ATXN1: variants seen among roughly 807,000 people sequenced by gnomAD.
The protein encoded by ATXN1 is ataxin 1.
In ATXN1, 8 loss-of-function variants were observed where a neutral mutation model predicts 56.4. The observed-to-expected ratio is 0.14, with a 90% CI of 0.08 to 0.26. ATXN1 has a LOEUF of 0.26. Ranked by LOEUF, ATXN1 falls within the 10% of genes least tolerant of loss-of-function variation. The pLI, the probability that ATXN1 is intolerant of heterozygous loss-of-function variation, is 1.00. For synonymous variants in ATXN1, 514 were observed against 494.6 expected (o/e 1.04, Z -0.52); for missense variants, 987 against 1,106.5 (o/e 0.89, Z 1.53).
intron 6 of ATXN1, among the ~76,000 whole-genome samples, chr6:16,355,236 C>T (rs778841994): frequency 3.3e-5 from 5 of 152,176 alleles, no homozygotes; most frequent in Admixed American, 6.5e-5. Flanking sequence ...CCACAGATGC[C>T]GCTGTACTTT....
chr6:16,366,412 T>C (rs1277735020), intron 6 of ATXN1, among the ~76,000 whole-genome samples: 1 of 152,142 alleles, frequency 6.6e-6, no homozygotes, highest in Non-Finnish European at 1.5e-5. Context: ...GAATTTAGAA[T>C]ATAACAAAAG....
rs551743470 is a variant in ATXN1 at position 16,443,989 on chromosome 6, G to A, written c.-161+41983C>T. Among the ~76,000 whole-genome samples, 19 of 151,992 alleles carry A rather than the reference G, an allele frequency of 1.3e-4. 1 individual carries two copies. The South Asian group carries it at 3.1e-3, about 25-fold the overall frequency. Reference sequence around the variant, plus strand: ...AGATTAGCCAGGCGTGGTGGCGGGCGCCTGTAGTCCCAGCTACTCGGGAGG... The same window carrying A: ...AGATTAGCCAGGCGTGGTGGCGGGCACCTGTAGTCCCAGCTACTCGGGAGG... On this transcript the variant is annotated intron_variant, in intron 6 of 7. Coordinates refer to ENST00000436367, the MANE Select transcript of ATXN1 (RefSeq NM_001128164.2).
At chr6:16,541,607 G>A (rs931212896) in intron 4 of ATXN1, among the ~76,000 whole-genome samples, 7 of 152,146 alleles carry the variant, frequency 4.6e-5, no homozygotes, top group African/African-American at 1.4e-4. Context: ...TCTTCCAGGC[G>A]GCAGACTTCA....
chr6:16,416,336 A>G (rs780306874), intron 6 of ATXN1, among the ~76,000 whole-genome samples: 8 of 152,254 alleles, frequency 5.3e-5, no homozygotes, highest in Admixed American at 3.9e-4. Context: ...AATCTAAATT[A>G]GAGAGATTTT....
chr6:16,529,466 T>A lies in ATXN1; in HGVS notation c.-360-6778A>T, dbSNP rs570521267. Among the ~76,000 whole-genome samples the A allele has an allele frequency of 2.0e-5, 3 of 152,216 alleles. No homozygotes were observed. In the South Asian group the frequency reaches 6.2e-4, roughly 32 times the overall value. On this transcript the variant is annotated intron_variant, in intron 4 of 7. Transcript: ENST00000436367. The stretch of plus-strand genomic sequence containing the variant: ...ACAGCATAGAGACAGTCTTAAATGA[T>A]CTCCATCAGCATTTTACTTTAGTTA...
chr6:16,731,713 T>C (rs939991211), intron 2 of ATXN1, among the ~76,000 whole-genome samples: 1 of 151,966 alleles, frequency 6.6e-6, no homozygotes, highest in South Asian at 2.1e-4. Context: ...AGTACATTTG[T>C]CATTTAATTT....
At chr6:16,730,383 C>T (rs6915772) in intron 2 of ATXN1, among the ~76,000 whole-genome samples, 15,053 of 151,208 alleles carry the variant, frequency 0.1, 953 homozygotes, top group East Asian at 0.19. Flanking sequence ...TGCTTGATTA[C>T]AATTTAAATT....
chr6:16,495,170 T>C (rs1231790562), intron 5 of ATXN1, among the ~76,000 whole-genome samples: 3 of 152,230 alleles, frequency 2.0e-5, no homozygotes, highest in African/African-American at 7.2e-5. Context: ...TGCAGTCCAG[T>C]CCTCTGACTT....
intron 5 of ATXN1, among the ~76,000 whole-genome samples, chr6:16,514,585 A>G (rs758640020): frequency 2.0e-4 from 30 of 151,940 alleles, no homozygotes; most frequent in South Asian, 1.0e-3. Context: ...TTGATCCTAA[A>G]CCTTGGGGAG....
intron 6 of ATXN1, among the ~76,000 whole-genome samples, chr6:16,375,804 C>T (rs1309936468): frequency 1.3e-5 from 2 of 152,194 alleles, no homozygotes; most frequent in African/African-American, 4.8e-5. Flanking sequence ...GGAAAATATA[C>T]TCCATTGTGA....
At chr6:16,545,705 A>G (rs971773278) in intron 4 of ATXN1, among the ~76,000 whole-genome samples, 1 of 152,224 alleles carries the variant, frequency 6.6e-6, no homozygotes, top group Non-Finnish European at 1.5e-5. Flanking sequence ...AGTTTGCGCT[A>G]TAGGAGAAGA....
intron 5 of ATXN1, among the ~76,000 whole-genome samples, chr6:16,514,232 G>C (rs1004152660): frequency 1.8e-4 from 27 of 152,050 alleles, no homozygotes. Context: ...ACTCCCTCTT[G>C]TTGGATCACA....
At chr6:16,606,226 A>G (rs1414530075) in intron 3 of ATXN1, among the ~76,000 whole-genome samples, 1 of 152,234 alleles carries the variant, frequency 6.6e-6, no homozygotes. Flanking sequence ...TAGAACACCT[A>G]GCACAGGACA....
rs1328125122 is a variant in ATXN1, at chr6:16,305,562, A to C, written c.*767T>G. The C allele has an allele frequency of 1.3e-5, 2 of 152,078 alleles. No individual in the cohort carries two copies. The highest frequency in any genetic ancestry group is 4.8e-5 in the African/African-American group (2 of 41,270). The allele number at this position is 152,078 out of a possible 1,614,324, so 9.4% of individuals were successfully genotyped here. On this transcript the variant is annotated 3_prime_UTR_variant, in exon 8 of 8. Coordinates refer to ENST00000436367, the MANE Select transcript of ATXN1 (RefSeq NM_001128164.2). ...CAGCAGGGGCTTCCCTGTCCACCACAACACCCTGGTGACATCGCTGCACTA... is the reference window on the plus strand; with the variant it reads ...CAGCAGGGGCTTCCCTGTCCACCACCACACCCTGGTGACATCGCTGCACTA...
At chr6:16,440,372 A>T (rs1238627538) in intron 6 of ATXN1, among the ~76,000 whole-genome samples, 1 of 152,044 alleles carries the variant, frequency 6.6e-6, no homozygotes, top group Non-Finnish European at 1.5e-5. Flanking sequence ...ACATTCAGAA[A>T]TGAAGTGATT....
At chr6:16,541,415 T>C (rs1761710956) in intron 4 of ATXN1, among the ~76,000 whole-genome samples, 1 of 152,182 alleles carries the variant, frequency 6.6e-6, no homozygotes, top group South Asian at 2.1e-4. Flanking sequence ...TCTCTTTCTG[T>C]TTCTTTCTTT....
intron 3 of ATXN1, among the ~76,000 whole-genome samples, chr6:16,609,434 A>G (rs1763066435): frequency 1.3e-5 from 2 of 152,244 alleles, no homozygotes; most frequent in South Asian, 4.1e-4. Context: ...GTTCAGAATG[A>G]GAACCACTGT....
intron 6 of ATXN1, among the ~76,000 whole-genome samples, chr6:16,371,768 T>A (rs977445914): frequency 6.6e-6 from 1 of 151,810 alleles, no homozygotes; most frequent in Non-Finnish European, 1.5e-5. Flanking sequence ...CAGTAGAGAT[T>A]GGGTCTTGCT....
intron 3 of ATXN1, among the ~76,000 whole-genome samples, chr6:16,637,848 G>A (rs993266274): frequency 1.3e-5 from 2 of 152,148 alleles, no homozygotes; most frequent in African/African-American, 4.8e-5. Flanking sequence ...GGAAATTTAG[G>A]ACATGATCAC....
Sources: allele counts gnomAD v4.1 joint callset (sites outside exome capture counted in the v4.1 genomes callset), GRCh38; gene constraint gnomAD v4.1.1; transcripts MANE v1.5; gene names NCBI Gene and HGNC (gene_info 2026-07-23, HGNC 2026-07-21).